The following IL1RAPL2 variants were observed in gnomAD, a reference collection of about 807,000 sequenced individuals.
IL1RAPL2 encodes interleukin 1 receptor accessory protein like 2.
A neutral mutation model predicts 44.1 loss-of-function variants in IL1RAPL2; 3 were observed. That is an observed-to-expected ratio of 0.07 (90% CI 0.03 to 0.18). The LOEUF (loss-of-function observed/expected upper bound fraction) is 0.18. Ranked by LOEUF, IL1RAPL2 falls within the 10% of genes least tolerant of loss-of-function variation. IL1RAPL2 has a pLI of 1.00. For synonymous variants in IL1RAPL2, 181 were observed against 178.8 expected (o/e 1.01, Z -0.10); for missense variants, 391 against 496.4 (o/e 0.79, Z 2.02).
At chrX:104,734,969 T>A (rs147285967) in intron 2 of IL1RAPL2, among the ~76,000 whole-genome samples, 2,059 of 111,460 alleles carry the variant, frequency 0.018, 24 homozygotes, top group Middle Eastern at 0.051. Context: ...TATATGCTTA[T>A]CCTAAATATG....
At chrX:105,268,783 A>T (rs2034424392) in intron 5 of IL1RAPL2, among the ~76,000 whole-genome samples, 1 of 87,569 alleles carries the variant, frequency 1.1e-5, no homozygotes, top group Admixed American at 1.4e-4. Context: ...TGAAAAATAA[A>T]TATAATATTG....
chrX:105,576,939 G>A (rs747730240), intron 6 of IL1RAPL2, among the ~76,000 whole-genome samples: 2 of 111,422 alleles, frequency 1.8e-5, no homozygotes, highest in Non-Finnish European at 3.8e-5. Flanking sequence ...AAAGTCATTG[G>A]TATGACAAGA....
chrX:105,713,730 T>G (rs1602535411), intron 6 of IL1RAPL2, among the ~76,000 whole-genome samples: 1 of 111,515 alleles, frequency 9.0e-6, no homozygotes, highest in East Asian at 2.9e-4. Context: ...TCAAAATGCC[T>G]TTGGGGTCTT....
intron 2 of IL1RAPL2, among the ~76,000 whole-genome samples, chrX:104,725,596 T>C (rs1320093693): frequency 8.9e-6 from 1 of 112,347 alleles, no homozygotes; most frequent in Non-Finnish European, 1.9e-5. Flanking sequence ...TGAGATGGTA[T>C]CTCATTGTGG....
At chrX:105,055,192 T>A (rs1340779001) in intron 2 of IL1RAPL2, among the ~76,000 whole-genome samples, 1 of 111,818 alleles carries the variant, frequency 8.9e-6, no homozygotes, top group East Asian at 2.8e-4. Context: ...TGCTTCCTGG[T>A]TCGTAGACAG....
chrX:104,849,714 A>G (rs1922174698), intron 2 of IL1RAPL2, among the ~76,000 whole-genome samples: 1 of 111,114 alleles, frequency 9.0e-6, no homozygotes, highest in South Asian at 3.7e-4. Context: ...AAACCCAAAA[A>G]TAATATGTTG....
At chrX:105,049,663 G>A (rs1026512139) in intron 2 of IL1RAPL2, among the ~76,000 whole-genome samples, 3 of 111,494 alleles carry the variant, frequency 2.7e-5, no homozygotes, top group Non-Finnish European at 3.8e-5. Context: ...ACCCAATTAG[G>A]TTGGTATTTG....
intron 1 of IL1RAPL2, among the ~76,000 whole-genome samples, chrX:104,604,633 CA>C (rs36050333): frequency 0.071 from 2,182 of 30,875 alleles, 40 homozygotes; most frequent in African/African-American, 0.22. Context: ...AAATGCATAG[CA>C]AAAAAAAAAA....
chrX:105,676,329 G>A (rs757433357), intron 6 of IL1RAPL2, among the ~76,000 whole-genome samples: 54 of 111,691 alleles, frequency 4.8e-4, no homozygotes, highest in Non-Finnish European at 8.3e-4. Context: ...TCTCATCGTA[G>A]TTTGATGCAG....
At chrX:104,839,893 G>T (rs1921855609) in intron 2 of IL1RAPL2, among the ~76,000 whole-genome samples, 1 of 111,670 alleles carries the variant, frequency 9.0e-6, no homozygotes, top group Admixed American at 9.5e-5. Flanking sequence ...TTGTATTTCT[G>T]TGAGATCAGT....
chrX:105,073,036 T>C (rs1602935911), intron 2 of IL1RAPL2, among the ~76,000 whole-genome samples: 2 of 96,427 alleles, frequency 2.1e-5, no homozygotes, highest in African/African-American at 1.1e-4. Flanking sequence ...CCACATTTTC[T>C]TTTTTTTTCT....
At chrX:105,281,462 G>A (rs1182942849) in intron 5 of IL1RAPL2, among the ~76,000 whole-genome samples, 2 of 112,084 alleles carry the variant, frequency 1.8e-5, no homozygotes, top group Non-Finnish European at 3.8e-5. Flanking sequence ...GAAATAGTAG[G>A]TACTTAATAC....
chrX:104,765,313 T>G (rs1011804169), intron 2 of IL1RAPL2, among the ~76,000 whole-genome samples: 14 of 111,994 alleles, frequency 1.3e-4, no homozygotes, highest in Non-Finnish European at 2.6e-4. Flanking sequence ...ATCTAGGGAT[T>G]TGTCCATTTC....
At chrX:105,294,742 G>T (rs2034642007) in intron 5 of IL1RAPL2, among the ~76,000 whole-genome samples, 1 of 112,231 alleles carries the variant, frequency 8.9e-6, no homozygotes, top group Admixed American at 9.4e-5. Flanking sequence ...TCCAGGGAAA[G>T]AACATGCAGT....
chrX:104,923,999 G>A (rs918695092), intron 2 of IL1RAPL2, among the ~76,000 whole-genome samples: 3 of 105,395 alleles, frequency 2.8e-5, no homozygotes, highest in African/African-American at 6.9e-5. Flanking sequence ...AATGAGAGAA[G>A]GGGTAGCCAT....
Position 104,819,504 on chromosome X carries a change from G to C in IL1RAPL2, c.82+160509G>C, listed in dbSNP as rs1284630270. Among the ~76,000 whole-genome samples, 4 of 111,902 alleles carry C rather than the reference G, an allele frequency of 3.6e-5. No homozygotes were observed. In the East Asian group the frequency reaches 1.1e-3, roughly 31 times the overall value. ...ACCAATTTTTTTTATATCATGGGAGGATGGGAGGTTTCTTTGATTATCATA... is the reference window on the plus strand; with the variant it reads ...ACCAATTTTTTTTATATCATGGGAGCATGGGAGGTTTCTTTGATTATCATA... On this transcript the variant is annotated intron_variant, in intron 2 of 10. Transcript: ENST00000372582.
intron 2 of IL1RAPL2, among the ~76,000 whole-genome samples, chrX:104,938,675 C>CAA (rs113219092): frequency 0.029 from 2,814 of 97,626 alleles, 88 homozygotes; most frequent in African/African-American, 0.093. Context: ...CTAGAGTATA[C>CAA]AAAAAAAAAA....
chrX:105,058,349 G>A (rs1302985904), intron 2 of IL1RAPL2, among the ~76,000 whole-genome samples: 1 of 111,992 alleles, frequency 8.9e-6, no homozygotes, highest in Non-Finnish European at 1.9e-5. Flanking sequence ...ACCTCCCAAA[G>A]TGTTGGGATT....
chrX:104,999,861 C>A (rs1306371665), intron 2 of IL1RAPL2, among the ~76,000 whole-genome samples: 1 of 111,567 alleles, frequency 9.0e-6, no homozygotes, highest in Non-Finnish European at 1.9e-5. Flanking sequence ...ACAAGGCAAA[C>A]CTTTAATTTT....
Sources: gnomAD v4.1 joint callset for allele counts (sites outside exome capture counted in the v4.1 genomes callset) on GRCh38, gnomAD v4.1.1 for gene constraint, MANE v1.5 for transcripts, NCBI Gene and HGNC (gene_info 2026-07-23, HGNC 2026-07-21) for gene names.